CUX1: variants seen among roughly 807,000 people sequenced by gnomAD.
CUX1 encodes the protein cut like homeobox 1.
CUX1 carries 31 observed loss-of-function variants against 158.8 expected under a neutral mutation model. The ratio of observed to expected loss-of-function variants is 0.20; its 90% confidence interval spans 0.15 to 0.26. The LOEUF is 0.26. Among genes scored for constraint, CUX1 ranks in the 10% least tolerant of loss-of-function variants. The probability of loss-of-function intolerance (pLI) is 1.00; values close to 1 mark genes in which losing one functional copy is unlikely to be tolerated. For synonymous variants in CUX1, 879 were observed against 862.1 expected (o/e 1.02, Z -0.34); for missense variants, 1,589 against 2,014.6 (o/e 0.79, Z 4.04).
intron 8 of CUX1, among the ~76,000 whole-genome samples, chr7:102,126,378 C>G (rs1554495299): frequency 6.6e-6 from 1 of 152,070 alleles, no homozygotes; most frequent in Non-Finnish European, 1.5e-5. Context: ...TACATGTTTA[C>G]TATACAAAGT....
chr7:101,885,598 C>T (rs527668288), intron 1 of CUX1, among the ~76,000 whole-genome samples: 1 of 152,222 alleles, frequency 6.6e-6, no homozygotes, highest in East Asian at 1.9e-4. Flanking sequence ...GGAGGATTCT[C>T]CCCAGGAAGG....
chr7:101,996,187 A>G (rs151080766), intron 2 of CUX1, among the ~76,000 whole-genome samples: 1 of 151,820 alleles, frequency 6.6e-6, no homozygotes, highest in East Asian at 1.9e-4. Flanking sequence ...ACCTTCTGGG[A>G]GAGAGAACAT....
chr7:101,970,901 C>T (rs1296766727), intron 2 of CUX1, among the ~76,000 whole-genome samples: 3 of 152,178 alleles, frequency 2.0e-5, no homozygotes, highest in African/African-American at 7.2e-5. Flanking sequence ...ATCAACTGAC[C>T]TCCTTGGAGT....
At chr7:102,259,659 C>T (rs188105673), downstream of CUX1, among the ~76,000 whole-genome samples, 1 of 150,430 alleles carries the variant, frequency 6.6e-6, no homozygotes, top group Admixed American at 6.7e-5. Flanking sequence ...TGAAGTCTAA[C>T]GTGGTTAATT....
Position 101,863,288 on chromosome 7 carries a change from G to A in CUX1, c.30+45619G>A, listed in dbSNP as rs182211023. 7.3e-5 allele frequency among the ~76,000 whole-genome samples: 11 copies of A among 150,748 alleles called. No individual in the cohort carries two copies. In the East Asian group the frequency reaches 2.1e-3, roughly 29 times the overall value. On this transcript the variant is annotated intron_variant, in intron 1 of 23. Coordinates refer to ENST00000292535, the MANE Select transcript of CUX1 (RefSeq NM_181552.4). The stretch of plus-strand genomic sequence containing the variant: ...AATCAGAACAAGAAAATCCAAGTGA[G>A]ATTCAAGAGTCCCGCTGGGACTGGT...
intron 5 of CUX1, 42 bp from the exon 6 acceptor site, chr7:102,104,294 T>A (rs987370287): frequency 5.8e-6 from 9 of 1,565,082 alleles, no homozygotes; most frequent in Non-Finnish European, 7.7e-6. Flanking sequence ...TATGGAATTG[T>A]ATGCTTCTCT....
chr7:101,908,343 G>A (rs1802992380), intron 1 of CUX1, among the ~76,000 whole-genome samples: 2 of 151,860 alleles, frequency 1.3e-5, no homozygotes, highest in African/African-American at 2.4e-5. Context: ...ACAGGGTTTC[G>A]CCATATTGGC....
intron 1 of CUX1, among the ~76,000 whole-genome samples, chr7:101,867,337 T>C (rs1357869217): frequency 6.6e-6 from 1 of 152,142 alleles, no homozygotes; most frequent in East Asian, 1.9e-4. Flanking sequence ...AAGGGTTTCG[T>C]AATGTGCTCG....
At chr7:101,870,851 A>C (rs1221439251) in intron 1 of CUX1, among the ~76,000 whole-genome samples, 19 of 152,186 alleles carry the variant, frequency 1.2e-4, no homozygotes, top group Non-Finnish European at 1.5e-5. Context: ...ATTGGTAGTG[A>C]GTAATTTTAG....
chr7:101,933,480 C>G (rs1224663262), intron 2 of CUX1, among the ~76,000 whole-genome samples: 3 of 152,136 alleles, frequency 2.0e-5, no homozygotes, highest in Non-Finnish European at 4.4e-5. Context: ...TCACATTATT[C>G]ATTGTCTTAA....
intron 14 of CUX1, chr7:102,273,226 G>C: frequency 1.7e-6 from 2 of 1,191,610 alleles, no homozygotes; most frequent in Non-Finnish European, 2.3e-6. Flanking sequence ...GCAGTGGTGA[G>C]TTGGGAGGGA....
intron 1 of CUX1, among the ~76,000 whole-genome samples, chr7:101,865,188 T>G (rs554946734): frequency 2.0e-5 from 3 of 152,182 alleles, no homozygotes; most frequent in Non-Finnish European, 4.4e-5. Flanking sequence ...TGACACCATT[T>G]CGAGGTCCCC....
At chr7:101,850,151 T>C (rs1796120468) in intron 1 of CUX1, among the ~76,000 whole-genome samples, 1 of 152,082 alleles carries the variant, frequency 6.6e-6, no homozygotes, top group African/African-American at 2.4e-5. Flanking sequence ...CTCAAACTCC[T>C]GACCTCAGGT....
At chr7:101,987,266 C>T (rs922416135) in intron 2 of CUX1, among the ~76,000 whole-genome samples, 2 of 152,308 alleles carry the variant, frequency 1.3e-5, no homozygotes, top group South Asian at 2.1e-4. Flanking sequence ...GCGTGAGCCA[C>T]GACGGTAAAC....
chr7:101,986,729 C>T lies in CUX1; in HGVS notation c.142-41369C>T, dbSNP rs186354345. Among the ~76,000 whole-genome samples, 76 of 152,290 alleles carry T rather than the reference C, an allele frequency of 5.0e-4. 1 individual carries two copies. In the East Asian group the frequency reaches 0.013, roughly 26 times the overall value. On this transcript the variant is annotated intron_variant, in intron 2 of 23. Coordinates refer to ENST00000292535, the MANE Select transcript of CUX1 (RefSeq NM_181552.4). Reference sequence around the variant, plus strand: ...GGTTTGGAGACGAGAGGAAATGGACCGTAAGGACCATTGAGTTGGCATAAG... The same window carrying T: ...GGTTTGGAGACGAGAGGAAATGGACTGTAAGGACCATTGAGTTGGCATAAG...
intron 2 of CUX1, among the ~76,000 whole-genome samples, chr7:101,937,145 C>T (rs1198467669): frequency 1.3e-5 from 2 of 152,220 alleles, no homozygotes; most frequent in Non-Finnish European, 2.9e-5. Context: ...GTCTCTGTCT[C>T]TGTCACAAAG....
At chr7:101,966,608 G>A (rs903448580) in intron 2 of CUX1, among the ~76,000 whole-genome samples, 4 of 152,130 alleles carry the variant, frequency 2.6e-5, no homozygotes, top group African/African-American at 9.7e-5. Context: ...GCTTTAGATG[G>A]GTGGGAATGT....
At chr7:102,050,466 G>C in intron 3 of CUX1, among the ~76,000 whole-genome samples, 1 of 152,100 alleles carries the variant, frequency 6.6e-6, no homozygotes, top group Non-Finnish European at 1.5e-5. Context: ...GTTTGGGGCT[G>C]GTGGTTCCAA....
At chr7:101,900,467 A>G (rs548225387) in intron 1 of CUX1, among the ~76,000 whole-genome samples, 40 of 152,364 alleles carry the variant, frequency 2.6e-4, no homozygotes, top group Non-Finnish European at 3.5e-4. Flanking sequence ...GCGGCACCGA[A>G]AATCTTGAAA....
Sources: allele counts gnomAD v4.1 joint callset (sites outside exome capture counted in the v4.1 genomes callset), GRCh38; gene constraint gnomAD v4.1.1; transcripts MANE v1.5; gene names NCBI Gene and HGNC (gene_info 2026-07-23, HGNC 2026-07-21).